The following MGAT3 variants were observed in gnomAD, a reference collection of about 807,000 sequenced individuals.
MGAT3 encodes the protein GlcNAc-T III.
MGAT3 carries 9 observed loss-of-function variants against 29.8 expected under a neutral mutation model. The observed-to-expected ratio is 0.30, with a 90% CI of 0.18 to 0.53. MGAT3 has a LOEUF of 0.53. Ranked by LOEUF, MGAT3 falls within the 20% of genes least tolerant of loss-of-function variation. MGAT3 has a pLI of 0.96. For missense variants in MGAT3, 557 were observed against 769.5 expected (o/e 0.72, Z 3.27); for synonymous variants, 397 against 348.9 (o/e 1.14, Z -1.54).
At chr22:39,468,696 T>G (rs920503769) in intron 1 of MGAT3, among the ~76,000 whole-genome samples, 1 of 150,008 alleles carries the variant, frequency 6.7e-6, no homozygotes, top group Non-Finnish European at 1.5e-5. Context: ...TTTGGCGTGG[T>G]CATTTATTCA....
At chr22:39,461,062 C>G (rs1928484343) in intron 1 of MGAT3, among the ~76,000 whole-genome samples, 1 of 152,128 alleles carries the variant, frequency 6.6e-6, no homozygotes, top group Admixed American at 6.5e-5. Context: ...AGTAGGCTGG[C>G]AACTGGCTCT....
intron 1 of MGAT3, among the ~76,000 whole-genome samples, chr22:39,470,763 G>A (rs193007173): frequency 1.1e-4 from 16 of 152,286 alleles, no homozygotes; most frequent in Admixed American, 7.2e-4. Flanking sequence ...GATGTTATCC[G>A]TTTTAATCCC....
chr22:39,487,308 G>A lies in MGAT3; in HGVS notation c.-1-39G>A, dbSNP rs1256664447. The A allele has an allele frequency of 6.3e-7, 1 of 1,580,276 alleles. No individual in the cohort carries two copies. The highest frequency in any genetic ancestry group is 1.1e-5 in the South Asian group (1 of 87,732). ...TCCCCTTCCTAGGAAAGGAGCCTGG[G>A]CTGCCCTGATGAGTCTCCTGTCTCT... On this transcript the variant is annotated intron_variant, in intron 1 of 1. Coordinates refer to ENST00000341184, the MANE Select transcript of MGAT3 (RefSeq NM_002409.5). The surrounding 1 kb of genome is among the most constrained non-coding windows in gnomAD (Gnocchi z 5.7).
In MGAT3 at chr22:39,488,870, C is replaced by G. The variant is rs1403786617; in HGVS notation, c.1523C>G (p.Thr508Arg). ...LDNPYQEPRS[T>R]AAGGWRHRGP... ...AACCCCTACCAGGAGCCCAGGAGCA[C>G]GGCGGCGGGCGGGTGGCGCCACAGG... is the stretch of plus-strand genomic sequence containing the variant. The change falls in exon 2 of 2, where the codon ACG (threonine) becomes AGG (arginine). Residue 508 changes from threonine to arginine, a missense_variant. Coordinates refer to ENST00000341184, the MANE Select transcript of MGAT3 (RefSeq NM_002409.5). The G allele has an allele frequency of 8.8e-6, 14 of 1,599,848 alleles. No individual in the cohort carries two copies. Among genetic ancestry groups the G allele is most frequent in the Admixed American group, 8.7e-5 (5 of 57,726 alleles).
intron 1 of MGAT3, among the ~76,000 whole-genome samples, chr22:39,475,645 C>CCCTTGCT (rs915868613): frequency 1.4e-4 from 21 of 152,202 alleles, no homozygotes; most frequent in African/African-American, 4.8e-4. Flanking sequence ...CTGGGATGCT[C>CCCTTGCT]CCTTGCTCCA....
At position 39,488,578 on chromosome 22, in the gene MGAT3, C is replaced by G; in HGVS notation, c.1231C>G (p.Pro411Ala). Residue 411 changes from proline (P) to alanine (A), a missense_variant, in exon 2 of 2, where the codon CCC becomes GCC. Pro to Ala is a conservative substitution (Grantham distance 27). Coordinates refer to ENST00000341184, the MANE Select transcript of MGAT3 (RefSeq NM_002409.5). ...HILVQWSLGS[P>A]LHFAGWHCSW... ...CCTGGTGCAGTGGTCGCTGGGCAGC[C>G]CCCTGCACTTCGCCGGCTGGCACTG... The G allele has an allele frequency of 6.2e-7, 1 of 1,613,278 alleles. No homozygotes were observed. Among genetic ancestry groups the G allele is most frequent in the Non-Finnish European group, 8.5e-7 (1 of 1,180,020 alleles).
rs1421835330 is a variant in MGAT3 at position 39,490,148 on chromosome 22, G to A, written c.*1199G>A. 1 of 167,098 alleles carries A rather than the reference G, an allele frequency of 6.0e-6. No individual in the cohort carries two copies. Among genetic ancestry groups the A allele is most frequent in the Admixed American group, 6.5e-5 (1 of 15,290 alleles). The allele number at this position is 167,098 out of a possible 1,614,324, so 10.4% of individuals were successfully genotyped here. ...AGATTGAGATGGCCCAGAGCTGGTA[G>A]GGCAGCTCTGCGTTTCTTCATACGC... On this transcript the variant is annotated 3_prime_UTR_variant, in exon 2 of 2. Transcript: ENST00000341184.
Position 39,487,883 on chromosome 22 carries a change from G to T in MGAT3, c.536G>T (p.Gly179Val). The T allele has an allele frequency of 6.4e-7, 1 of 1,573,942 alleles. No homozygotes were observed. Residue 179 changes from glycine (G) to valine (V), a missense_variant, in exon 2 of 2, where the codon GGA (glycine) becomes GTA (valine). By Grantham distance (109) the Gly-to-Val change is moderately radical (BLOSUM62 -3). This residue lies in a region of MGAT3 where 243 missense variants were observed against 444.0 expected (regional missense o/e 0.55). Transcript: ENST00000341184. This position sits in a 1 kb window ranked among gnomAD's most constrained non-coding sequence, Gnocchi z 5.7. ...VECVCLPGWH[G>V]PSCGVPTVVQ... ...TGCGTGTGCCTGCCCGGCTGGCACG[G>T]ACCCAGCTGCGGCGTGCCCACTGTG...
At chr22:39,476,192 G>T (rs555899918) in intron 1 of MGAT3, among the ~76,000 whole-genome samples, 1 of 152,230 alleles carries the variant, frequency 6.6e-6, no homozygotes, top group African/African-American at 2.4e-5. Flanking sequence ...TGGAGGTGGG[G>T]GAGGGGTGGG....
Position 39,487,411 on chromosome 22 carries a change from T to C in MGAT3, c.64T>C (p.Phe22Leu), listed in dbSNP as rs1266351347. The C allele has an allele frequency of 6.2e-7, 1 of 1,613,670 alleles. No homozygotes were observed. Among genetic ancestry groups the C allele is most frequent in the African/African-American group, 1.3e-5 (1 of 74,960 alleles). The change falls in exon 2 of 2, where the codon TTC (phenylalanine) becomes CTC (leucine). Residue 22 changes from phenylalanine (F) to leucine (L), a missense_variant. Physicochemically the swap from Phe to Leu is conservative, Grantham distance 22 (BLOSUM62 0). Transcript: ENST00000341184. This position sits in a 1 kb window ranked among gnomAD's most constrained non-coding sequence, Gnocchi z 5.7. ...TATGGCCGGCCTGTGCCTCATCTCC[T>C]TCCTGCACTTCTTCAAGACCCTGTC... ...FCMAGLCLIS[F>L]LHFFKTLSYV...
At chr22:39,484,871 C>A (rs1929226956) in intron 1 of MGAT3, among the ~76,000 whole-genome samples, 1 of 152,062 alleles carries the variant, frequency 6.6e-6, no homozygotes, top group African/African-American at 2.4e-5. Context: ...GGCATGGTGG[C>A]ACACGCCTGT....
Position 39,488,326 on chromosome 22 carries a change from G to T in MGAT3, c.979G>T (p.Val327Phe). 1 of 1,612,182 alleles carries T rather than the reference G, an allele frequency of 6.2e-7. No homozygotes were observed. ...DADEIPARDG[V>F]LFLKLYDGWT... ...GGACGAGATCCCGGCCCGTGACGGC[G>T]TCCTTTTCCTCAAGCTCTACGATGG... Residue 327 changes from valine (V) to phenylalanine (F), a missense_variant, in exon 2 of 2, where the codon GTC (valine) becomes TTC (phenylalanine). Physicochemically the swap from Val to Phe is conservative, Grantham distance 50. Coordinates refer to ENST00000341184, the MANE Select transcript of MGAT3 (RefSeq NM_002409.5).
At chr22:39,486,144 ATT>A (rs34708754) in intron 1 of MGAT3, 91,791 of 356,624 alleles carry the variant, frequency 0.26, 5,293 homozygotes, top group African/African-American at 0.43. Flanking sequence ...TAGACCTCAA[ATT>A]TTTTTTTTTT....
At chr22:39,474,334 T>TG (rs1283429305) in intron 1 of MGAT3, among the ~76,000 whole-genome samples, 1 of 151,946 alleles carries the variant, frequency 6.6e-6, no homozygotes, top group Non-Finnish European at 1.5e-5. Flanking sequence ...CTGATGGCAG[T>TG]GGGGGTGAGA....
chr22:39,481,327 G>A (rs1442438075), intron 1 of MGAT3, among the ~76,000 whole-genome samples: 3 of 152,182 alleles, frequency 2.0e-5, no homozygotes, highest in Non-Finnish European at 4.4e-5. Context: ...TGACGCACTC[G>A]CTCCTGCCCG....
In MGAT3 at chr22:39,457,605, C is replaced by T. The variant is rs1928369683; in HGVS notation, c.-2+48C>T. The T allele has an allele frequency of 1.3e-5, 2 of 150,058 alleles. No homozygotes were observed. Among genetic ancestry groups the T allele is most frequent in the Admixed American group, 6.6e-5 (1 of 15,118 alleles). The allele number at this position is 150,058 out of a possible 1,614,324, so 9.3% of individuals were successfully genotyped here. The stretch of plus-strand genomic sequence containing the variant: ...GGGGGCGCCGCGGCCCCTCTATCCC[C>T]GCGCTGCCCGCCCTCCCGCGCTGCG... On this transcript the variant is annotated intron_variant, in intron 1 of 1. Transcript: ENST00000341184. The surrounding 1 kb of genome is among the most constrained non-coding windows in gnomAD (Gnocchi z 6.8).
chr22:39,479,880 G>T (rs1198649303), intron 1 of MGAT3, among the ~76,000 whole-genome samples: 1 of 152,164 alleles, frequency 6.6e-6, no homozygotes, highest in East Asian at 1.9e-4. Context: ...CCCTGCTCTA[G>T]GGAGCTTATA....
At chr22:39,459,298 T>G (rs1928434170) in intron 1 of MGAT3, among the ~76,000 whole-genome samples, 1 of 152,136 alleles carries the variant, frequency 6.6e-6, no homozygotes, top group Non-Finnish European at 1.5e-5. Context: ...GGTCTCGAAC[T>G]CCTGACCTCA....
At chr22:39,477,014 C>T (rs1299021918) in intron 1 of MGAT3, among the ~76,000 whole-genome samples, 2 of 152,132 alleles carry the variant, frequency 1.3e-5, no homozygotes, top group Non-Finnish European at 2.9e-5. Flanking sequence ...CATGTGGGAT[C>T]CTGAAACCTC....
Sources: allele counts gnomAD v4.1 joint callset (sites outside exome capture counted in the v4.1 genomes callset), GRCh38; gene constraint gnomAD v4.1.1; regional missense constraint gnomAD v4.1.1; non-coding constraint Gnocchi (gnomAD v3.1); transcripts MANE v1.5; gene names NCBI Gene and HGNC (gene_info 2026-07-23, HGNC 2026-07-21).